The following TRDN variants were observed in gnomAD, a reference collection of about 807,000 sequenced individuals.
TRDN encodes the protein triadin.
In TRDN, 161 loss-of-function variants were observed where a neutral mutation model predicts 149.7. The observed-to-expected ratio is 1.08, with a 90% CI of 0.95 to 1.23. TRDN has a LOEUF of 1.23. Ranked by LOEUF, TRDN falls within the 50% of genes most tolerant of loss-of-function variation. TRDN has a pLI of 0.00. For synonymous variants in TRDN, 294 were observed against 250.5 expected, an observed-to-expected ratio of 1.17 and a Z score of -1.64; for missense variants, 896 against 823.5, an observed-to-expected ratio of 1.09 and a Z score of -1.08.
intron 21 of TRDN, among the ~76,000 whole-genome samples, chr6:123,346,832 T>C (rs1486475009): frequency 6.6e-6 from 1 of 151,886 alleles, no homozygotes; most frequent in African/African-American, 2.4e-5. Context: ...TTAAATACGA[T>C]GATAAAGGGC....
intron 1 of TRDN, among the ~76,000 whole-genome samples, chr6:123,591,744 C>T (rs1357958233): frequency 6.6e-6 from 1 of 152,122 alleles, no homozygotes; most frequent in Non-Finnish European, 1.5e-5. Flanking sequence ...AAGAAAAAAA[C>T]CAGCAGCTTC....
intron 24 of TRDN, among the ~76,000 whole-genome samples, chr6:123,288,207 G>T (rs983270094): frequency 6.6e-6 from 1 of 151,906 alleles, no homozygotes; most frequent in African/African-American, 2.4e-5. Context: ...AAAGAAATTG[G>T]GCTCTTATTT....
At chr6:123,350,814 T>C in intron 21 of TRDN, 1 of 983,776 alleles carries the variant, frequency 1.0e-6, no homozygotes, top group African/African-American at 1.7e-5. Context: ...ACCTCATTTT[T>C]TTCACACAAT....
chr6:123,480,045 T>C (rs1240384351), intron 9 of TRDN, among the ~76,000 whole-genome samples: 1 of 152,094 alleles, frequency 6.6e-6, no homozygotes, highest in Non-Finnish European at 1.5e-5. Context: ...ATATTTAACA[T>C]TTTTTATCAA....
chr6:123,219,691 C>T (rs79290410), intron 40 of TRDN, among the ~76,000 whole-genome samples: 2 of 151,736 alleles, frequency 1.3e-5, no homozygotes, highest in African/African-American at 2.4e-5. Flanking sequence ...TTTGAAGAAT[C>T]TTGAATTTAG....
At chr6:123,489,466 T>A (rs958651581) in intron 9 of TRDN, 1 of 152,148 alleles carries the variant, frequency 6.6e-6, no homozygotes, top group African/African-American at 2.4e-5. Flanking sequence ...GTTCTGTTTA[T>A]AAAAATTAAT....
intron 38 of TRDN, among the ~76,000 whole-genome samples, chr6:123,237,775 C>A (rs531048889): frequency 6.6e-6 from 1 of 151,928 alleles, no homozygotes; most frequent in African/African-American, 2.4e-5. Context: ...TACAAGAAAA[C>A]GATAAATTCC....
intron 38 of TRDN, among the ~76,000 whole-genome samples, chr6:123,231,276 G>A (rs1388519548): frequency 1.3e-5 from 2 of 152,036 alleles, no homozygotes; most frequent in African/African-American, 4.8e-5. Context: ...TGAAGTATGA[G>A]ATAGTATATG....
At chr6:123,505,478 C>T (rs2114838584) in intron 7 of TRDN, among the ~76,000 whole-genome samples, 1 of 152,100 alleles carries the variant, frequency 6.6e-6, no homozygotes, top group Non-Finnish European at 1.5e-5. Context: ...TTCTCAGATA[C>T]TTCAGATATT....
At chr6:123,524,457 A>G (rs928780556) in intron 5 of TRDN, among the ~76,000 whole-genome samples, 4 of 152,262 alleles carry the variant, frequency 2.6e-5, no homozygotes, top group Non-Finnish European at 5.9e-5. Context: ...GAAAATACTC[A>G]GGATATTCAT....
intron 14 of TRDN, among the ~76,000 whole-genome samples, chr6:123,385,435 G>A (rs58131908): frequency 0.62 from 88,446 of 141,612 alleles, 27,483 homozygotes; most frequent in African/African-American, 0.72. Flanking sequence ...AAAAAAAAAA[G>A]AAAAAAAAAA....
intron 12 of TRDN, among the ~76,000 whole-genome samples, chr6:123,434,783 A>G (rs1010070064): frequency 1.3e-5 from 2 of 152,056 alleles, no homozygotes; most frequent in African/African-American, 4.8e-5. Flanking sequence ...TTAATTTTAC[A>G]TAATGTTTTT....
chr6:123,291,238 T>A (rs1778000435), intron 24 of TRDN, among the ~76,000 whole-genome samples: 1 of 152,076 alleles, frequency 6.6e-6, no homozygotes, highest in South Asian at 2.1e-4. Context: ...AGTCATATTT[T>A]GTCCTAGAGT....
intron 16 of TRDN, among the ~76,000 whole-genome samples, chr6:123,378,194 T>A (rs527348273): frequency 3.4e-4 from 52 of 152,192 alleles, no homozygotes; most frequent in African/African-American, 1.2e-3. Flanking sequence ...GTGAAAAAAA[T>A]TAAATTTGCT....
intron 19 of TRDN, among the ~76,000 whole-genome samples, chr6:123,375,203 A>C (rs546430059): frequency 1.3e-5 from 2 of 152,274 alleles, no homozygotes; most frequent in East Asian, 3.9e-4. Flanking sequence ...GGTTAAGAAA[A>C]TGTTGAGGGG....
intron 33 of TRDN, among the ~76,000 whole-genome samples, chr6:123,263,593 G>T (rs998911985): frequency 6.6e-6 from 1 of 151,996 alleles, no homozygotes; most frequent in Non-Finnish European, 1.5e-5. Flanking sequence ...TCCCCAAGCT[G>T]TACTCCAGCC....
At chr6:123,453,699 A>G (rs1775926740) in intron 10 of TRDN, among the ~76,000 whole-genome samples, 4 of 152,124 alleles carry the variant, frequency 2.6e-5, no homozygotes, top group Admixed American at 2.6e-4. Flanking sequence ...CAGTGTGGAG[A>G]TTCTTTGAAG....
intron 9 of TRDN, 33 bp from the exon 10 acceptor site, chr6:123,465,016 A>G: frequency 1.9e-6 from 3 of 1,546,250 alleles, no homozygotes; most frequent in Non-Finnish European, 2.6e-6. Context: ...TTGGAAAAAA[A>G]AAAGTATTAA....
chr6:123,299,806 G>A (rs1197647771), intron 24 of TRDN, among the ~76,000 whole-genome samples: 2 of 151,972 alleles, frequency 1.3e-5, no homozygotes, highest in African/African-American at 4.8e-5. Flanking sequence ...TAGTATATAA[G>A]CATAGTTGGA....
Sources: gnomAD v4.1 joint callset for allele counts (sites outside exome capture counted in the v4.1 genomes callset) on GRCh38, gnomAD v4.1.1 for gene constraint, MANE v1.5 for transcripts, NCBI Gene and HGNC (gene_info 2026-07-23, HGNC 2026-07-21) for gene names.